ATAD2B: variants seen among roughly 807,000 people sequenced by gnomAD.
ATAD2B encodes ATPase family AAA domain-containing protein 2B.
ATAD2B carries 40 observed loss-of-function variants against 167.6 expected under a neutral mutation model. The ratio of observed to expected loss-of-function variants is 0.24; its 90% CI spans 0.19 to 0.31. The LOEUF is 0.31. Ranked by LOEUF, ATAD2B falls within the 10% of genes least tolerant of loss-of-function variation. The pLI, the probability that ATAD2B is intolerant of heterozygous loss-of-function variation, is 1.00. For synonymous variants in ATAD2B, 579 were observed against 596.5 expected, an observed-to-expected ratio of 0.97 and a Z score of 0.43; for missense variants, 1,242 against 1,757.2, an observed-to-expected ratio of 0.71 and a Z score of 5.24.
At chr2:23,690,505 A>T in the ATAD2B span, 2 of 152,168 alleles carry the variant, frequency 1.3e-5, no homozygotes, top group African/African-American at 4.8e-5. Flanking sequence ...CGCGCAAGGG[A>T]CCCGTCACAA....
intron 22 of ATAD2B, among the ~76,000 whole-genome samples, chr2:23,782,556 G>C (rs531862024): frequency 2.6e-5 from 4 of 152,218 alleles, no homozygotes; most frequent in African/African-American, 9.6e-5. Context: ...CCATGAATTC[G>C]AAATTCTGAA....
At chr2:23,680,525 A>G in the ATAD2B span, among the ~76,000 whole-genome samples, 4,985 of 152,302 alleles carry the variant, frequency 0.033, 102 homozygotes, top group South Asian at 0.087. The surrounding 1 kb of genome is among the most constrained non-coding windows in gnomAD (Gnocchi z 4.1). Flanking sequence ...CAACAGGGAC[A>G]GATGCTGAGG....
At chr2:23,774,560 C>G (rs1678798404) in intron 22 of ATAD2B, among the ~76,000 whole-genome samples, 1 of 152,172 alleles carries the variant, frequency 6.6e-6, no homozygotes, top group Admixed American at 6.5e-5. Context: ...GTTACCATGT[C>G]TCCATTTTAT....
the ATAD2B span, among the ~76,000 whole-genome samples, chr2:23,738,327 C>G: frequency 2.6e-5 from 4 of 152,202 alleles, no homozygotes; most frequent in Non-Finnish European, 5.9e-5. Context: ...CAAAGGGAAG[C>G]CCATCAGACT....
chr2:23,916,713 G>C (rs1206238463), intron 1 of ATAD2B, among the ~76,000 whole-genome samples: 1 of 152,110 alleles, frequency 6.6e-6, no homozygotes, highest in Non-Finnish European at 1.5e-5. Context: ...GGCCCAAAAG[G>C]AGACAAGAAC....
chr2:23,812,186 T>C (rs191915616), intron 17 of ATAD2B, among the ~76,000 whole-genome samples: 23 of 150,472 alleles, frequency 1.5e-4, no homozygotes, highest in Admixed American at 4.6e-4. Context: ...ATCCAAGAAA[T>C]CAACCAAAAA....
At chr2:23,688,622 T>C in the ATAD2B span, among the ~76,000 whole-genome samples, 1 of 151,096 alleles carries the variant, frequency 6.6e-6, no homozygotes, top group Non-Finnish European at 1.5e-5. Context: ...AGTAGGTGAC[T>C]CCAGGAAGCT....
chr2:23,801,838 T>A lies in ATAD2B; in HGVS notation c.2455-3515A>T, dbSNP rs1263444923. The stretch of plus-strand genomic sequence containing the variant: ...CAAGGAAGCACTCATGATATAACTC[T>A]TGCACTTACAAGAGTTCTAATCATC... On this transcript the variant is annotated intron_variant, in intron 18 of 27. Transcript: ENST00000238789. Among the ~76,000 whole-genome samples the A allele has an allele frequency of 2.6e-5, 4 of 152,234 alleles. No homozygotes were observed. In the East Asian group the frequency reaches 5.8e-4, roughly 22 times the overall value.
At chr2:23,832,132 A>C (rs1689159723) in intron 14 of ATAD2B, 2 of 432,704 alleles carry the variant, frequency 4.6e-6, no homozygotes, top group African/African-American at 4.1e-5. Context: ...TGACATGGTT[A>C]ATCACACCCT....
intron 8 of ATAD2B, among the ~76,000 whole-genome samples, chr2:23,875,219 T>C (rs566346803): frequency 6.6e-6 from 1 of 150,626 alleles, no homozygotes; most frequent in East Asian, 2.0e-4. Context: ...AAGTAGAAAC[T>C]GGTCGGGCGC....
the ATAD2B span, among the ~76,000 whole-genome samples, chr2:23,692,435 G>A: frequency 5.9e-5 from 9 of 152,216 alleles, no homozygotes; most frequent in African/African-American, 9.6e-5. Context: ...CCGCATGGGC[G>A]ACGGCAAGGT....
intron 18 of ATAD2B, among the ~76,000 whole-genome samples, chr2:23,801,628 A>G (rs1362844146): frequency 6.6e-6 from 1 of 152,076 alleles, no homozygotes; most frequent in Non-Finnish European, 1.5e-5. Flanking sequence ...GTTCATTTTG[A>G]TTCTTTATTA....
downstream of ATAD2B, among the ~76,000 whole-genome samples, chr2:23,744,282 ATT>A (rs142964412): frequency 1.7e-4 from 24 of 144,882 alleles, no homozygotes; most frequent in Admixed American, 2.1e-4. Flanking sequence ...TCCTGGGAGA[ATT>A]TTTTTTTTTT....
chr2:23,828,448 GC>G (rs1456081595), intron 15 of ATAD2B, among the ~76,000 whole-genome samples: 1 of 152,108 alleles, frequency 6.6e-6, no homozygotes, highest in African/African-American at 2.4e-5. Context: ...ATGAAAATAA[GC>G]CCGTTGTGTA....
the ATAD2B span, among the ~76,000 whole-genome samples, chr2:23,692,879 C>T: frequency 6.6e-6 from 1 of 152,208 alleles, no homozygotes. Context: ...GGACCACAGA[C>T]ATGCCTGGCA....
At chr2:23,735,948 T>C in the ATAD2B span, among the ~76,000 whole-genome samples, 14 of 152,054 alleles carry the variant, frequency 9.2e-5, no homozygotes, top group African/African-American at 3.1e-4. Context: ...ACTGGCCTAA[T>C]GGAAGGAAAA....
intron 19 of ATAD2B, among the ~76,000 whole-genome samples, chr2:23,794,251 C>T (rs1682254108): frequency 6.6e-6 from 1 of 152,226 alleles, no homozygotes; most frequent in Non-Finnish European, 1.5e-5. Flanking sequence ...CTCAAGTGAT[C>T]CGCTTGCCTC....
chr2:23,739,768 T>G, the ATAD2B span, among the ~76,000 whole-genome samples: 1 of 150,170 alleles, frequency 6.7e-6, no homozygotes, highest in African/African-American at 2.5e-5. Flanking sequence ...AGGAGCTGGT[T>G]TTTTGAAAAG....
chr2:23,760,139 G>A (rs1676464958), intron 24 of ATAD2B, among the ~76,000 whole-genome samples: 1 of 152,210 alleles, frequency 6.6e-6, no homozygotes, highest in Admixed American at 6.5e-5. Flanking sequence ...GATAGACCTG[G>A]CTAATACGGT....
Sources: allele counts gnomAD v4.1 joint callset (sites outside exome capture counted in the v4.1 genomes callset), GRCh38; gene constraint gnomAD v4.1.1; non-coding constraint Gnocchi (gnomAD v3.1); transcripts MANE v1.5; gene names NCBI Gene and HGNC (gene_info 2026-07-23, HGNC 2026-07-21).